Variants in HERC5 observed in about 807,000 individuals in gnomAD.
HERC5 encodes E3 ISG15--protein ligase HERC5.
In HERC5, 99 loss-of-function variants were observed where a neutral mutation model predicts 119.6. The observed-to-expected ratio is 0.83, with a 90% CI of 0.70 to 0.98. HERC5 has a LOEUF of 0.98. Ranked by LOEUF, HERC5 falls within the 50% of genes least tolerant of loss-of-function variation. The pLI is 0.00. For missense variants in HERC5, 1,267 were observed against 1,241.3 expected (o/e 1.02, Z -0.31); for synonymous variants, 478 against 445.9 (o/e 1.07, Z -0.91).
chr4:88,475,516 A>G (rs1278523803), intron 11 of HERC5, among the ~76,000 whole-genome samples: 1 of 151,850 alleles, frequency 6.6e-6, no homozygotes, highest in East Asian at 1.9e-4. Context: ...ACAGGGTTTC[A>G]CCATGTTGGT....
chr4:88,479,761 G>A (rs1380754537), intron 13 of HERC5, among the ~76,000 whole-genome samples: 1 of 151,958 alleles, frequency 6.6e-6, no homozygotes. Flanking sequence ...AACATTTCCA[G>A]TACTTTAGAA....
At chr4:88,471,187 C>G (rs777998119) in intron 10 of HERC5, among the ~76,000 whole-genome samples, 1 of 152,044 alleles carries the variant, frequency 6.6e-6, no homozygotes, top group Non-Finnish European at 1.5e-5. Flanking sequence ...CCAGGCTGGT[C>G]TCGAACTCCT....
intron 20 of HERC5, among the ~76,000 whole-genome samples, chr4:88,502,839 T>G (rs1167797066): frequency 6.6e-6 from 1 of 152,164 alleles, no homozygotes; most frequent in African/African-American, 2.4e-5. Flanking sequence ...TAATTATTCC[T>G]CATCTTTAGT....
chr4:88,481,420 A>G (rs1578055726), intron 13 of HERC5, among the ~76,000 whole-genome samples: 1 of 152,000 alleles, frequency 6.6e-6, no homozygotes, highest in Non-Finnish European at 1.5e-5. Context: ...TTTGTCAATG[A>G]TATGTGTTGC....
At chr4:88,480,372 A>G (rs1560607071) in intron 13 of HERC5, among the ~76,000 whole-genome samples, 1 of 151,360 alleles carries the variant, frequency 6.6e-6, no homozygotes, top group African/African-American at 2.4e-5. Flanking sequence ...AGTTCATTGT[A>G]TGAATATACC....
intron 9 of HERC5, among the ~76,000 whole-genome samples, chr4:88,469,583 A>G (rs1392560808): frequency 6.6e-6 from 1 of 152,192 alleles, no homozygotes; most frequent in Non-Finnish European, 1.5e-5. Context: ...TCTGAAGGCA[A>G]TCTAAAAGCA....
intron 16 of HERC5, among the ~76,000 whole-genome samples, chr4:88,491,949 A>G (rs1261280534): frequency 1.3e-5 from 2 of 152,124 alleles, no homozygotes; most frequent in African/African-American, 4.8e-5. Flanking sequence ...GCAAACAGCC[A>G]CTTCAGCAAA....
In HERC5 at chr4:88,489,274, A is replaced by G; in HGVS notation, c.2071A>G (p.Ile691Val). 1 of 1,614,058 alleles carries G rather than the reference A, an allele frequency of 6.2e-7. No individual in the cohort carries two copies. The highest frequency in any genetic ancestry group is 1.1e-5 in the South Asian group (1 of 91,050). Residue 691 changes from isoleucine to valine, a missense_variant, in exon 16 of 23, where the codon ATT becomes GTT. Ile to Val is a conservative substitution (Grantham distance 29). Transcript: ENST00000264350. ...TCTAACAGTCAGAAGGAATCACTTG[A>G]TTGAGGATGTTTTGAATCAGCTAAG... is the stretch of plus-strand genomic sequence containing the variant. ...FDLTVRRNHL[I>V]EDVLNQLSQF...
intron 18 of HERC5, among the ~76,000 whole-genome samples, chr4:88,496,477 G>T (rs573445302): frequency 6.6e-6 from 1 of 152,310 alleles, no homozygotes; most frequent in East Asian, 1.9e-4. Flanking sequence ...AGACGATAGA[G>T]CTCAGAAATG....
chr4:88,477,720 G>A (rs944689983), intron 12 of HERC5, among the ~76,000 whole-genome samples: 4 of 152,124 alleles, frequency 2.6e-5, no homozygotes, highest in South Asian at 4.1e-4. Flanking sequence ...CCAGTACACC[G>A]CAAGTAAGTT....
Position 88,457,276 on chromosome 4 carries a change from C to CGGAGGTCGCGGA in HERC5, c.11_22dup (p.Arg4_Arg7dup). The CGGAGGTCGCGGA allele has an allele frequency of 7.4e-7, 1 of 1,349,224 alleles. No individual in the cohort carries two copies. Among genetic ancestry groups the CGGAGGTCGCGGA allele is most frequent in the South Asian group, 1.8e-5 (1 of 56,394 alleles). 83.6% of individuals were successfully genotyped at this position (1,349,224 alleles called of 1,614,324 possible). A position where few individuals can be genotyped will look rare whatever the true frequency, so the allele number is the denominator to read the frequency against. On this transcript the variant is annotated inframe_insertion, in exon 1 of 23. Transcript: ENST00000264350. The stretch of plus-strand genomic sequence containing the variant: ...GGGACCCCGCAAAGCGGCGATGGAG[C>CGGAGGTCGCGGA]GGAGGTCGCGGAGGAAGTCGCGGCG...
intron 15 of HERC5, 42 bp from the exon 16 acceptor site, chr4:88,489,124 A>G (rs1319593290): frequency 2.6e-6 from 4 of 1,539,916 alleles, no homozygotes; most frequent in East Asian, 4.5e-5. Context: ...GAGAGGGCCA[A>G]TGGTAAAATG....
intron 20 of HERC5, among the ~76,000 whole-genome samples, chr4:88,503,926 G>A (rs190974331): frequency 6.6e-6 from 1 of 152,180 alleles, no homozygotes; most frequent in East Asian, 1.9e-4. Flanking sequence ...AATTAGCTGG[G>A]CATGGTGGCA....
At chr4:88,478,618 ATT>A (rs910765493) in intron 12 of HERC5, among the ~76,000 whole-genome samples, 4 of 148,340 alleles carry the variant, frequency 2.7e-5, no homozygotes, top group Non-Finnish European at 4.5e-5. Context: ...TTAAAAAAAT[ATT>A]TTTTTTTTTG....
Position 88,463,642 on chromosome 4 carries a change from C to T in HERC5, c.780+19C>T. 6.3e-7 allele frequency: 1 copy of T among 1,592,328 alleles called. No individual in the cohort carries two copies. Among genetic ancestry groups the T allele is most frequent in the Non-Finnish European group, 8.6e-7 (1 of 1,164,452 alleles). Reference sequence around the variant, plus strand: ...CACACAGGTGGGTGTACCCTTGTCTCTTTTTGGCTGTATTTTTAGAAGAAC... The same window carrying T: ...CACACAGGTGGGTGTACCCTTGTCTTTTTTTGGCTGTATTTTTAGAAGAAC... On this transcript the variant is annotated intron_variant, in intron 5 of 22. Coordinates refer to ENST00000264350, the MANE Select transcript of HERC5 (RefSeq NM_016323.4).
chr4:88,457,280 GGTCGCGGAGGAA>G lies in HERC5; in HGVS notation c.19_30del (p.Lys8_Arg11del). ...CCCCGCAAAGCGGCGATGGAGCGGA[GGTCGCGGAGGAA>G]GTCGCGGCGCAACGGGCGCTCGACC... On this transcript the variant is annotated inframe_deletion, in exon 1 of 23. Coordinates refer to ENST00000264350, the MANE Select transcript of HERC5 (RefSeq NM_016323.4). 4.4e-6 allele frequency: 6 copies of G among 1,352,442 alleles called. No individual in the cohort carries two copies. Among genetic ancestry groups the G allele is most frequent in the Non-Finnish European group, 5.7e-6 (6 of 1,057,890 alleles). 83.8% of individuals were successfully genotyped at this position (1,352,442 alleles called of 1,614,324 possible). A position where few individuals can be genotyped will look rare whatever the true frequency, so the allele number is the denominator to read the frequency against.
At chr4:88,488,384 G>A (rs1026781840) in intron 15 of HERC5, among the ~76,000 whole-genome samples, 6 of 151,458 alleles carry the variant, frequency 4.0e-5, no homozygotes, top group Non-Finnish European at 7.4e-5. Flanking sequence ...GGTGCCCGCC[G>A]CCACACCCAG....
intron 3 of HERC5, among the ~76,000 whole-genome samples, chr4:88,461,486 T>C (rs1016794685): frequency 4.6e-5 from 7 of 152,190 alleles, no homozygotes; most frequent in Admixed American, 6.5e-5. Context: ...AAGGAGAGGC[T>C]CTGCTTCCCA....
intron 6 of HERC5, among the ~76,000 whole-genome samples, chr4:88,466,434 T>G (rs536201162): frequency 6.6e-6 from 1 of 152,318 alleles, no homozygotes; most frequent in African/African-American, 2.4e-5. Context: ...ATTGCCCGGA[T>G]AGTTAAACTT....
Sources: gnomAD v4.1 joint callset for allele counts (sites outside exome capture counted in the v4.1 genomes callset) on GRCh38, gnomAD v4.1.1 for gene constraint, MANE v1.5 for transcripts, NCBI Gene and HGNC (gene_info 2026-07-23, HGNC 2026-07-21) for gene names.